Variants in VRK2 observed in about 807,000 individuals in gnomAD.
VRK2 encodes VRK serine/threonine kinase 2.
A neutral mutation model predicts 57.6 loss-of-function variants in VRK2; 60 were observed. The ratio of observed to expected loss-of-function variants is 1.04; its 90% CI spans 0.85 to 1.29. The LOEUF (loss-of-function observed/expected upper bound fraction) is 1.29, where lower values mean the gene tolerates loss of function less well. Among genes scored for constraint, VRK2 ranks in the 50% most tolerant of loss-of-function variants. The pLI, the probability that VRK2 is intolerant of heterozygous loss-of-function variation, is 0.00. For synonymous variants in VRK2, 231 were observed against 199.2 expected, an observed-to-expected ratio of 1.16 and a Z score of -1.35; for missense variants, 705 against 588.1, an observed-to-expected ratio of 1.20 and a Z score of -2.06.
intron 1 of VRK2, among the ~76,000 whole-genome samples, chr2:57,995,157 T>C (rs1415079941): frequency 6.6e-6 from 1 of 152,212 alleles, no homozygotes; most frequent in African/African-American, 2.4e-5. Flanking sequence ...CAGTGAATTT[T>C]CCATACACTG....
intron 6 of VRK2, among the ~76,000 whole-genome samples, chr2:58,089,154 A>G (rs1347441986): frequency 6.6e-6 from 1 of 152,192 alleles, no homozygotes. Flanking sequence ...AGATGAAGCT[A>G]AGGAGTTTTC....
intron 12 of VRK2, among the ~76,000 whole-genome samples, chr2:58,154,967 TC>T (rs1683573772): frequency 6.6e-6 from 1 of 152,212 alleles, no homozygotes; most frequent in African/African-American, 2.4e-5. Context: ...GATTTTTTTT[TC>T]AGTTATTGAT....
At chr2:57,921,844 T>C (rs1365826529) in intron 1 of VRK2, among the ~76,000 whole-genome samples, 1 of 152,138 alleles carries the variant, frequency 6.6e-6, no homozygotes, top group East Asian at 1.9e-4. Context: ...GATTATTTCA[T>C]TTAGCACATA....
At position 58,013,642 on chromosome 2, in the gene VRK2, C is replaced by T. The variant is rs371025638; in HGVS notation, c.-438-12023C>T. On this transcript the variant is annotated intron_variant, in intron 1 of 15. Transcript: ENST00000417641. ...GTCCCAGCACTTTGGGAGGCCGAGG[C>T]GGGCGGATCACGAGGTCAGGAGATC... 5.9e-5 allele frequency among the ~76,000 whole-genome samples: 9 copies of T among 152,012 alleles called. No individual in the cohort carries two copies. The East Asian group carries it at 1.5e-3, about 26-fold the overall frequency.
chr2:57,925,456 T>C (rs539293797), intron 1 of VRK2, among the ~76,000 whole-genome samples: 4 of 152,098 alleles, frequency 2.6e-5, no homozygotes, highest in Non-Finnish European at 5.9e-5. Flanking sequence ...CATTTATCCA[T>C]TTCTTCTGGA....
chr2:58,027,153 TC>T (rs1446254393), intron 2 of VRK2, among the ~76,000 whole-genome samples: 2 of 152,020 alleles, frequency 1.3e-5, no homozygotes, highest in Non-Finnish European at 2.9e-5. Context: ...TTTAACCATC[TC>T]CCTTCCTAAT....
intron 1 of VRK2, among the ~76,000 whole-genome samples, chr2:57,924,806 T>G (rs1670477612): frequency 6.6e-6 from 1 of 152,022 alleles, no homozygotes; most frequent in African/African-American, 2.4e-5. Context: ...AGGCTTTTAG[T>G]TTTTCCCCAA....
At chr2:57,995,770 C>A (rs1359691110) in intron 1 of VRK2, among the ~76,000 whole-genome samples, 2 of 152,184 alleles carry the variant, frequency 1.3e-5, no homozygotes, top group African/African-American at 4.8e-5. Context: ...CAAGAACATT[C>A]TATGTGAAAC....
Position 58,156,585 on chromosome 2 carries a change from TTTGTTTTG to T in VRK2, c.1183-2761_1183-2754del, listed in dbSNP as rs1349110478. On this transcript the variant is annotated intron_variant, in intron 12 of 12. Coordinates refer to ENST00000340157, the MANE Select transcript of VRK2 (RefSeq NM_006296.7). The stretch of plus-strand genomic sequence containing the variant: ...CCTCAGGTTGGGTGGTGGTGTTTTT[TTTGTTTTG>T]TTTTGTTTTGTTTTGTTTTGTTTTT... Among the ~76,000 whole-genome samples the T allele has an allele frequency of 1.5e-3, 193 of 125,720 alleles. 2 individuals carry two copies. The highest frequency in any genetic ancestry group is 7.9e-3 in the African/African-American group (175 of 22,104). The allele number at this position is 125,720 out of a possible 152,430, so 82.5% of individuals were successfully genotyped here.
At chr2:58,148,179 C>G (rs551688986) in intron 12 of VRK2, among the ~76,000 whole-genome samples, 1 of 151,926 alleles carries the variant, frequency 6.6e-6, no homozygotes, top group Non-Finnish European at 1.5e-5. Context: ...CATTCCATGT[C>G]CTCCCCAATA....
intron 1 of VRK2, among the ~76,000 whole-genome samples, chr2:58,019,940 T>C (rs1673698965): frequency 6.6e-6 from 1 of 152,166 alleles, no homozygotes; most frequent in Non-Finnish European, 1.5e-5. Flanking sequence ...TAGGAATGGA[T>C]TTAAAAGGAG....
upstream of VRK2, among the ~76,000 whole-genome samples, chr2:58,042,693 A>C (rs1475439199): frequency 6.6e-6 from 1 of 152,222 alleles, no homozygotes; most frequent in Admixed American, 6.5e-5. Context: ...AACGCATGCC[A>C]TACCTACAAG....
chr2:58,156,609 TTTTG>T lies in VRK2; in HGVS notation c.1183-2736_1183-2733del, dbSNP rs199636369. Reference sequence around the variant, plus strand: ...TTTTGTTTTGTTTTGTTTTGTTTTGTTTTGTTTTTGCCTGACCTCTAGTTGATTG... The same window carrying T: ...TTTTGTTTTGTTTTGTTTTGTTTTGTTTTTTGCCTGACCTCTAGTTGATTG... On this transcript the variant is annotated intron_variant, in intron 12 of 12. Coordinates refer to ENST00000340157, the MANE Select transcript of VRK2 (RefSeq NM_006296.7). Among the ~76,000 whole-genome samples, 1,319 of 150,488 alleles carry T rather than the reference TTTTG, an allele frequency of 8.8e-3. 18 individuals carry two copies. Among genetic ancestry groups the T allele is most frequent in the African/African-American group, 0.031 (1,251 of 40,124 alleles).
intron 1 of VRK2, among the ~76,000 whole-genome samples, chr2:57,951,801 T>C (rs929411019): frequency 6.6e-6 from 1 of 152,090 alleles, no homozygotes; most frequent in African/African-American, 2.4e-5. Context: ...TGGAGTGCAG[T>C]GGGGCAATCA....
At chr2:58,003,890 T>C (rs982453183) in intron 1 of VRK2, among the ~76,000 whole-genome samples, 1 of 152,182 alleles carries the variant, frequency 6.6e-6, no homozygotes, top group African/African-American at 2.4e-5. Flanking sequence ...TTGTTTACTA[T>C]AACTGTTAAA....
chr2:57,912,569 A>T (rs1670020549), intron 1 of VRK2, among the ~76,000 whole-genome samples: 1 of 152,224 alleles, frequency 6.6e-6, no homozygotes, highest in African/African-American at 2.4e-5. Context: ...GAAATCAGAA[A>T]AGAGCTGGGA....
chr2:58,034,844 T>C (rs780450022), intron 3 of VRK2, among the ~76,000 whole-genome samples: 1 of 151,908 alleles, frequency 6.6e-6, no homozygotes, highest in Non-Finnish European at 1.5e-5. Flanking sequence ...ATCTGTACAC[T>C]AGGTACTATT....
chr2:58,025,972 A>T (rs1249708679), intron 2 of VRK2, among the ~76,000 whole-genome samples: 1 of 152,138 alleles, frequency 6.6e-6, no homozygotes, highest in Non-Finnish European at 1.5e-5. Flanking sequence ...GGTCTCTGTG[A>T]TTTCAGTACA....
chr2:58,068,614 A>G (rs1250266436), intron 2 of VRK2, among the ~76,000 whole-genome samples: 1 of 151,964 alleles, frequency 6.6e-6, no homozygotes, highest in Non-Finnish European at 1.5e-5. Context: ...ATGTTTTTTC[A>G]GTATCACAAG....
Sources: gnomAD v4.1 joint callset for allele counts (sites outside exome capture counted in the v4.1 genomes callset) on GRCh38, gnomAD v4.1.1 for gene constraint, MANE v1.5 for transcripts, NCBI Gene and HGNC (gene_info 2026-07-23, HGNC 2026-07-21) for gene names.